The following KCND2 variants were observed in gnomAD, a reference collection of about 807,000 sequenced individuals.
KCND2 encodes A-type voltage-gated potassium channel KCND2.
A neutral mutation model predicts 54.4 loss-of-function variants in KCND2; 16 were observed. The observed-to-expected ratio is 0.29, with a 90% CI of 0.20 to 0.45. The LOEUF (loss-of-function observed/expected upper bound fraction) is 0.45, where lower values mean the gene tolerates loss of function less well. Among genes scored for constraint, KCND2 ranks in the 20% least tolerant of loss-of-function variants. The probability of loss-of-function intolerance (pLI) is 1.00; values close to 1 mark genes in which losing one functional copy is unlikely to be tolerated. For synonymous variants in KCND2, 317 were observed against 310.7 expected (o/e 1.02, Z -0.21); for missense variants, 486 against 824.2 (o/e 0.59, Z 5.02).
Position 120,741,584 on chromosome 7 carries a change from T to C in KCND2, c.1329T>C (p.Ala443=), listed in dbSNP as rs1161024740. The C allele has an allele frequency of 1.9e-6, 3 of 1,613,238 alleles. No individual in the cohort carries two copies. In the African/African-American group the frequency reaches 4.0e-5, roughly 22 times the overall value. The change falls in exon 3 of 6, where the codon GCT becomes GCC. Residue 443 remains alanine, a synonymous_variant. Transcript: ENST00000331113. ...IRAAKSGSAN[A]YMQSKRNGLL... is the part of the protein sequence containing the mutation. The stretch of plus-strand genomic sequence containing the variant: ...CAGCCAAAAGCGGAAGCGCAAATGC[T>C]TACATGCAGAGCAAACGGAATGGTT...
At chr7:120,409,456 A>G (rs1801415360) in intron 1 of KCND2, among the ~76,000 whole-genome samples, 1 of 151,942 alleles carries the variant, frequency 6.6e-6, no homozygotes, top group Non-Finnish European at 1.5e-5. Context: ...GTTTAACTCT[A>G]TAAGAAGGTG....
At chr7:120,553,810 A>T (rs1009297739) in intron 1 of KCND2, among the ~76,000 whole-genome samples, 1 of 152,148 alleles carries the variant, frequency 6.6e-6, no homozygotes, top group African/African-American at 2.4e-5. Flanking sequence ...AGAAAACGAG[A>T]TTTCTAGCAG....
At chr7:120,567,219 GT>G (rs935632415) in intron 1 of KCND2, among the ~76,000 whole-genome samples, 1 of 152,074 alleles carries the variant, frequency 6.6e-6, no homozygotes, top group African/African-American at 2.4e-5. Flanking sequence ...GAGTAGAAAT[GT>G]TTTTCTTTGT....
chr7:120,631,317 G>A (rs1793230815), intron 1 of KCND2, among the ~76,000 whole-genome samples: 1 of 152,058 alleles, frequency 6.6e-6, no homozygotes, highest in South Asian at 2.1e-4. Context: ...CCAGTATTCA[G>A]ATAGTCAATT....
intron 1 of KCND2, among the ~76,000 whole-genome samples, chr7:120,608,112 T>G (rs1045242817): frequency 6.6e-6 from 1 of 151,996 alleles, no homozygotes; most frequent in African/African-American, 2.4e-5. Context: ...TATAAATATT[T>G]GAGAGATTTA....
intron 1 of KCND2, among the ~76,000 whole-genome samples, chr7:120,486,565 C>A (rs1434256332): frequency 6.6e-6 from 1 of 152,086 alleles, no homozygotes; most frequent in African/African-American, 2.4e-5. Flanking sequence ...CCAATATGCA[C>A]ATTCATGGAC....
At chr7:120,540,811 C>T (rs1791970297) in intron 1 of KCND2, among the ~76,000 whole-genome samples, 1 of 151,080 alleles carries the variant, frequency 6.6e-6, no homozygotes, top group Non-Finnish European at 1.5e-5. Context: ...GATTCACTCT[C>T]TATAAAAAAA....
chr7:120,466,084 C>G (rs1034008948), intron 1 of KCND2, among the ~76,000 whole-genome samples: 1 of 152,174 alleles, frequency 6.6e-6, no homozygotes, highest in Admixed American at 6.5e-5. Flanking sequence ...CTGAGCCCTA[C>G]CCTCTAGATG....
intron 1 of KCND2, among the ~76,000 whole-genome samples, chr7:120,447,360 A>G (rs1490269548): frequency 6.6e-6 from 1 of 151,686 alleles, no homozygotes; most frequent in East Asian, 1.9e-4. Context: ...TGGTGAAAAA[A>G]AAAAAGAAAA....
intron 2 of KCND2, among the ~76,000 whole-genome samples, chr7:120,739,646 G>A (rs968515807): frequency 6.6e-6 from 1 of 151,936 alleles, no homozygotes; most frequent in Admixed American, 6.6e-5. Flanking sequence ...ATAAATTTAG[G>A]AAGGAAGGGA....
At chr7:120,467,403 A>G (rs1001239287) in intron 1 of KCND2, among the ~76,000 whole-genome samples, 1 of 152,076 alleles carries the variant, frequency 6.6e-6, no homozygotes, top group African/African-American at 2.4e-5. Flanking sequence ...TATTCACTCC[A>G]TTTTATTTAC....
intron 1 of KCND2, among the ~76,000 whole-genome samples, chr7:120,329,201 A>C (rs1328755071): frequency 6.7e-6 from 1 of 149,798 alleles, no homozygotes; most frequent in Admixed American, 6.7e-5. Context: ...GGGTCACTGC[A>C]ACCTCCGCCT....
At chr7:120,611,785 G>C (rs958338728) in intron 1 of KCND2, among the ~76,000 whole-genome samples, 4 of 152,114 alleles carry the variant, frequency 2.6e-5, no homozygotes, top group African/African-American at 9.7e-5. Flanking sequence ...ATCATCAAAG[G>C]TTACAAAACC....
At chr7:120,564,032 TAAAC>T (rs151158673) in intron 1 of KCND2, among the ~76,000 whole-genome samples, 1,608 of 152,214 alleles carry the variant, frequency 0.011, 33 homozygotes, top group African/African-American at 0.037. Flanking sequence ...AGCAGAAGAA[TAAAC>T]AAATAAGAAA....
At position 120,274,278 on chromosome 7, in the gene KCND2, T is replaced by A; in HGVS notation, c.-355T>A. 1 of 410,872 alleles carries A rather than the reference T, an allele frequency of 2.4e-6. No individual in the cohort carries two copies. The highest frequency in any genetic ancestry group is 4.5e-6 in the Non-Finnish European group (1 of 222,382). 25.5% of individuals were successfully genotyped at this position (410,872 alleles called of 1,614,324 possible). A position where few individuals can be genotyped will look rare whatever the true frequency, so the allele number is the denominator to read the frequency against. Reference sequence around the variant, plus strand: ...TACTGACCCTATATTATCCAGACTGTGCCGGGGAGAAATCAAAAACACCTG... The same window carrying A: ...TACTGACCCTATATTATCCAGACTGAGCCGGGGAGAAATCAAAAACACCTG... On this transcript the variant is annotated 5_prime_UTR_variant, in exon 1 of 6. Coordinates refer to ENST00000331113, the MANE Select transcript of KCND2 (RefSeq NM_012281.3).
intron 1 of KCND2, among the ~76,000 whole-genome samples, chr7:120,570,587 TTCTC>T (rs1485948115): frequency 3.9e-5 from 6 of 152,168 alleles, no homozygotes; most frequent in African/African-American, 1.4e-4. Flanking sequence ...ATTTTTCTGT[TTCTC>T]TCTCAATGGC....
At chr7:120,618,394 G>A (rs867892469) in intron 1 of KCND2, among the ~76,000 whole-genome samples, 5 of 152,288 alleles carry the variant, frequency 3.3e-5, no homozygotes, top group Admixed American at 6.5e-5. Context: ...GATCATTAAT[G>A]TATTTGTCTT....
intron 1 of KCND2, among the ~76,000 whole-genome samples, chr7:120,608,176 A>G (rs578082073): frequency 1.3e-5 from 2 of 152,242 alleles, no homozygotes; most frequent in African/African-American, 4.8e-5. Context: ...AAATGACAGT[A>G]TTATAAAAAG....
At chr7:120,718,999 A>C (rs1792636748) in intron 1 of KCND2, among the ~76,000 whole-genome samples, 1 of 152,120 alleles carries the variant, frequency 6.6e-6, no homozygotes, top group South Asian at 2.1e-4. Flanking sequence ...TGGTTCAATA[A>C]ATTGAACCAA....
Sources: allele counts gnomAD v4.1 joint callset (sites outside exome capture counted in the v4.1 genomes callset), GRCh38; gene constraint gnomAD v4.1.1; transcripts MANE v1.5; gene names NCBI Gene and HGNC (gene_info 2026-07-23, HGNC 2026-07-21).